AGGF1: variants seen among roughly 807,000 people sequenced by gnomAD.
The protein encoded by AGGF1 is angiogenic factor with G-patch and FHA domains 1.
A neutral mutation model predicts 86.5 loss-of-function variants in AGGF1; 56 were observed. The observed-to-expected ratio is 0.65, with a 90% confidence interval of 0.52 to 0.81. The LOEUF is 0.81. Ranked by LOEUF, AGGF1 falls within the 30% of genes least tolerant of loss-of-function variation. The pLI, the probability that AGGF1 is intolerant of heterozygous loss-of-function variation, is 0.00. For synonymous variants in AGGF1, 313 were observed against 297.1 expected (o/e 1.05, Z -0.55); for missense variants, 816 against 850.9 (o/e 0.96, Z 0.51).
chr5:77,035,461 A>T, intron 2 of AGGF1, 80 bp from the exon 3 acceptor site: 1 of 1,048,798 alleles, frequency 9.5e-7, no homozygotes, highest in Admixed American at 2.3e-5. Flanking sequence ...TTGTGTTTAA[A>T]TGCCAGTGTT....
intron 11 of AGGF1, 83 bp from the exon 12 acceptor site, chr5:77,059,533 T>C (rs1747516594): frequency 8.0e-7 from 1 of 1,248,296 alleles, no homozygotes; most frequent in Non-Finnish European, 1.2e-6. Context: ...CATTGAATCA[T>C]ATTCGTTAAG....
chr5:77,030,718 G>GCAGGCGTCCGAA lies in AGGF1; in HGVS notation c.-48_-47insAGGCGTCCGAAC. ...TCTGGGTCCGCCGGCGTCCGTTTCG[G>GCAGGCGTCCGAA]CCTGAACGCAGCCCCTCCGCGGCGA... On this transcript the variant is annotated 5_prime_UTR_variant, in exon 1 of 14. Coordinates refer to ENST00000312916, the MANE Select transcript of AGGF1 (RefSeq NM_018046.5). 6.5e-7 allele frequency: 1 copy of GCAGGCGTCCGAA among 1,539,482 alleles called. No individual in the cohort carries two copies. Among genetic ancestry groups the GCAGGCGTCCGAA allele is most frequent in the Non-Finnish European group, 8.7e-7 (1 of 1,148,062 alleles).
chr5:77,051,423 A>C (rs908506951), intron 8 of AGGF1, among the ~76,000 whole-genome samples: 2 of 140,054 alleles, frequency 1.4e-5, no homozygotes, highest in African/African-American at 2.6e-5. Context: ...ACAGAGCGAG[A>C]TTCCATCTCA....
At chr5:77,049,903 C>T (rs1747339395) in intron 8 of AGGF1, among the ~76,000 whole-genome samples, 1 of 151,994 alleles carries the variant, frequency 6.6e-6, no homozygotes, top group Non-Finnish European at 1.5e-5. Context: ...TTTCTCTCTC[C>T]TCTCTTATGG....
In AGGF1 at chr5:77,046,542, T is replaced by G; in HGVS notation, c.1066T>G (p.Phe356Val). Residue 356 changes from phenylalanine (F) to valine (V), a missense_variant, in exon 6 of 14, where the codon TTT becomes GTT. Coordinates refer to ENST00000312916, the MANE Select transcript of AGGF1 (RefSeq NM_018046.5). Reference sequence around the variant, plus strand: ...TGAAAACATCTCTAATTCAACATCATTTAAAGATGAGAAAATCATGGAGAC... The same window carrying G: ...TGAAAACATCTCTAATTCAACATCAGTTAAAGATGAGAAAATCATGGAGAC... ...LHENISNSTSFKDEKIMETDS... is the reference protein window; with the variant it reads ...LHENISNSTSVKDEKIMETDS... 6.2e-7 allele frequency: 1 copy of G among 1,613,832 alleles called. No homozygotes were observed. Among genetic ancestry groups the G allele is most frequent in the Non-Finnish European group, 8.5e-7 (1 of 1,179,880 alleles).
In AGGF1 at chr5:77,035,669, G is replaced by A; in HGVS notation, c.442G>A (p.Asp148Asn). Residue 148 changes from aspartate (D) to asparagine (N), a missense_variant, in exon 3 of 14, where the codon GAT (aspartate) becomes AAT (asparagine). Coordinates refer to ENST00000312916, the MANE Select transcript of AGGF1 (RefSeq NM_018046.5). The stretch of plus-strand genomic sequence containing the variant: ...TAAAGACCATTTACAAGTAGAAAAT[G>A]ATGCTTACCCTGGTACCGATAGAAC... ...NSKDHLQVENDAYPGTDRTEN... is the reference protein window; with the variant it reads ...NSKDHLQVENNAYPGTDRTEN... 1 of 1,613,656 alleles carries A rather than the reference G, an allele frequency of 6.2e-7. No homozygotes were observed. The highest frequency in any genetic ancestry group is 1.1e-5 in the South Asian group (1 of 91,056).
intron 11 of AGGF1, 123 bp from the exon 12 acceptor site, chr5:77,059,493 C>T (rs1747515910): frequency 1.1e-6 from 1 of 918,876 alleles, no homozygotes; most frequent in African/African-American, 1.7e-5. Context: ...CATATCATAG[C>T]TTGTTTTATT....
intron 5 of AGGF1, among the ~76,000 whole-genome samples, chr5:77,042,026 G>A (rs1747098449): frequency 6.6e-6 from 1 of 151,198 alleles, no homozygotes; most frequent in Admixed American, 6.6e-5. Flanking sequence ...TAACGAGCAT[G>A]CTGCCTTCAA....
In AGGF1 at chr5:77,054,146, T is replaced by G; in HGVS notation, c.1633+16T>G. On this transcript the variant is annotated intron_variant, in intron 10 of 13. Coordinates refer to ENST00000312916, the MANE Select transcript of AGGF1 (RefSeq NM_018046.5). ...GAATCTTTTGGTATGTGAAACAGAT[T>G]AAATGTGGCTGTGATAACATTTCTC... 3 of 1,614,046 alleles carry G rather than the reference T, an allele frequency of 1.9e-6. No homozygotes were observed. The highest frequency in any genetic ancestry group is 1.1e-5 in the South Asian group (1 of 91,084).
chr5:77,040,774 A>C (rs1747062380), intron 5 of AGGF1, among the ~76,000 whole-genome samples: 1 of 152,150 alleles, frequency 6.6e-6, no homozygotes, highest in African/African-American at 2.4e-5. Flanking sequence ...TTACTCTTGA[A>C]ATTTTATCTC....
At chr5:77,051,148 G>T (rs925100669) in intron 8 of AGGF1, among the ~76,000 whole-genome samples, 1 of 152,030 alleles carries the variant, frequency 6.6e-6, no homozygotes, top group Non-Finnish European at 1.5e-5. Context: ...TTAAGAGTTT[G>T]GGGGGTTGGG....
At position 77,030,855 on chromosome 5, in the gene AGGF1, A is replaced by G. The variant is rs777802034; in HGVS notation, c.89A>G (p.Glu30Gly). 1.2e-6 allele frequency: 2 copies of G among 1,612,968 alleles called. No individual in the cohort carries two copies. The highest frequency in any genetic ancestry group is 1.7e-6 in the Non-Finnish European group (2 of 1,179,946). ...CTGGCCCAGCTAAGGCGGAAGGTGG[A>G]GAAGTTGGAACGTGAACTGCGGAGC... is the stretch of plus-strand genomic sequence containing the variant. ...PELAQLRRKV[E>G]KLERELRSCK... The change falls in exon 1 of 14, where the codon GAG (glutamate) becomes GGG (glycine). Residue 30 changes from glutamate (E) to glycine (G), a missense_variant. This residue lies in a region of AGGF1 where 240 missense variants were observed against 234.4 expected (regional missense o/e 1.02). Coordinates refer to ENST00000312916, the MANE Select transcript of AGGF1 (RefSeq NM_018046.5).
At chr5:77,045,174 A>G (rs2150731138) in intron 5 of AGGF1, among the ~76,000 whole-genome samples, 1 of 152,322 alleles carries the variant, frequency 6.6e-6, no homozygotes, top group Non-Finnish European at 1.5e-5. Flanking sequence ...AAGAAAAGTG[A>G]GAGTGCGTTA....
intron 11 of AGGF1, 24 bp downstream of exon 11, chr5:77,055,620 AT>A: frequency 6.7e-7 from 1 of 1,502,356 alleles, no homozygotes; most frequent in Non-Finnish European, 9.2e-7. Flanking sequence ...ATATTGTTTC[AT>A]TTGTTAAGCT....
In AGGF1 at chr5:77,063,248, A is replaced by G. The variant is rs757255325; in HGVS notation, c.2141A>G (p.Glu714Gly). 1.2e-6 allele frequency: 2 copies of G among 1,612,704 alleles called. No homozygotes were observed. The highest frequency in any genetic ancestry group is 2.2e-5 in the South Asian group (2 of 90,944). ...ATGCCTTGGGTAAAAGGGACTTTAG[A>G]GTGAAGGCTAATCATAGAAAAAAAA... is the stretch of plus-strand genomic sequence containing the variant. ...GTMPWVKGTL[E>G] Residue 714 changes from glutamate to glycine, a missense_variant, in exon 14 of 14, where the codon GAG becomes GGG. Physicochemically the swap from Glu to Gly is moderately conservative, Grantham distance 98. This residue lies in a region of AGGF1 where 565 missense variants were observed against 585.8 expected (regional missense o/e 0.96). Transcript: ENST00000312916.
chr5:77,054,390 G>A (rs544794153), intron 10 of AGGF1, among the ~76,000 whole-genome samples: 2 of 152,288 alleles, frequency 1.3e-5, no homozygotes, highest in African/African-American at 4.8e-5. Context: ...TATAATTGTA[G>A]TTGATTTTTC....
At chr5:77,041,838 A>C (rs1394045095) in intron 5 of AGGF1, among the ~76,000 whole-genome samples, 1 of 136,772 alleles carries the variant, frequency 7.3e-6, no homozygotes, top group Non-Finnish European at 1.6e-5. Context: ...TTTTATTGAT[A>C]ATTCTTGGGT....
At position 77,048,195 on chromosome 5, in the gene AGGF1, A is replaced by G. The variant is rs780101641; in HGVS notation, c.1236A>G (p.Val412=). The change falls in exon 7 of 14, where the codon GTA becomes GTG. Residue 412 remains valine (V), a synonymous_variant. Coordinates refer to ENST00000312916, the MANE Select transcript of AGGF1 (RefSeq NM_018046.5). ...EDKIWPPCIR[V]IVIRSPVLQI... ...AAATTTGGCCCCCATGTATTAGAGT[A>G]ATTGTCATTAGATCACCTGTGTTGC... The G allele has an allele frequency of 2.5e-6, 4 of 1,613,582 alleles. No individual in the cohort carries two copies. Among genetic ancestry groups the G allele is most frequent in the Non-Finnish European group, 3.4e-6 (4 of 1,179,670 alleles).
intron 11 of AGGF1, among the ~76,000 whole-genome samples, chr5:77,057,305 A>G (rs1486873262): frequency 6.6e-6 from 1 of 152,220 alleles, no homozygotes; most frequent in Non-Finnish European, 1.5e-5. Flanking sequence ...ACAAATGTTC[A>G]TTGCATTTTT....
Sources: gnomAD v4.1 joint callset for allele counts (sites outside exome capture counted in the v4.1 genomes callset) on GRCh38, gnomAD v4.1.1 for gene constraint, gnomAD v4.1.1 regional missense constraint, MANE v1.5 for transcripts, NCBI Gene and HGNC (gene_info 2026-07-23, HGNC 2026-07-21) for gene names.